Variants in FGGY observed in about 807,000 individuals in gnomAD.
FGGY encodes FGGY carbohydrate kinase domain-containing protein.
Under a neutral mutation model 71.3 loss-of-function variants are expected in FGGY, and 72 were observed. The observed-to-expected ratio is 1.01, with a 90% CI of 0.84 to 1.23. The LOEUF (loss-of-function observed/expected upper bound fraction) is 1.23, where lower values mean the gene tolerates loss of function less well. FGGY is among the 50% of genes most tolerant of loss of function. The pLI is 0.00. For missense variants in FGGY, 668 were observed against 682.3 expected (o/e 0.98, Z 0.23); for synonymous variants, 251 against 250.3 (o/e 1.00, Z -0.02).
chr1:59,301,094 C>T (rs768693763), intron 1 of FGGY, among the ~76,000 whole-genome samples: 4 of 152,042 alleles, frequency 2.6e-5, no homozygotes, highest in Middle Eastern at 3.2e-3. Context: ...TCTTCTGACC[C>T]GTGGACACAG....
chr1:59,328,761 G>A (rs2047893762), intron 2 of FGGY, among the ~76,000 whole-genome samples: 1 of 151,688 alleles, frequency 6.6e-6, no homozygotes, highest in Non-Finnish European at 1.5e-5. Context: ...GACCATTGTA[G>A]GGTTATTAAT....
chr1:59,584,211 CA>C (rs71582605), intron 8 of FGGY, among the ~76,000 whole-genome samples: 19,071 of 147,176 alleles, frequency 0.13, 2,090 homozygotes, highest in South Asian at 0.32. Flanking sequence ...GACACAACAA[CA>C]AAAAAAAAGA....
intron 8 of FGGY, among the ~76,000 whole-genome samples, chr1:59,582,634 C>T (rs1316801186): frequency 6.7e-6 from 1 of 149,478 alleles, no homozygotes; most frequent in Admixed American, 6.6e-5. Context: ...TCGCTGGAAG[C>T]TTTCAGACTA....
At chr1:59,375,602 G>A (rs541109548) in intron 4 of FGGY, among the ~76,000 whole-genome samples, 7 of 152,344 alleles carry the variant, frequency 4.6e-5, no homozygotes, top group Non-Finnish European at 8.8e-5. Flanking sequence ...GTACTTCAGA[G>A]GTTATAGAGG....
At chr1:59,630,920 G>A (rs1028767081) in intron 10 of FGGY, among the ~76,000 whole-genome samples, 3 of 152,104 alleles carry the variant, frequency 2.0e-5, no homozygotes, top group African/African-American at 7.2e-5. Context: ...AGCATCGCCT[G>A]TACTCTTGGT....
intron 7 of FGGY, among the ~76,000 whole-genome samples, chr1:59,521,489 A>G (rs1480370465): frequency 6.6e-6 from 1 of 152,108 alleles, no homozygotes; most frequent in Non-Finnish European, 1.5e-5. Context: ...CAGTTTTTAA[A>G]TCTTGTGCCA....
intron 7 of FGGY, among the ~76,000 whole-genome samples, chr1:59,539,631 A>G (rs1298140880): frequency 6.6e-6 from 1 of 152,226 alleles, no homozygotes; most frequent in African/African-American, 2.4e-5. Flanking sequence ...AAACTTAAGT[A>G]TGAAATTTAA....
At chr1:59,449,328 G>T (rs546445295) in intron 5 of FGGY, among the ~76,000 whole-genome samples, 16 of 152,250 alleles carry the variant, frequency 1.1e-4, no homozygotes, top group African/African-American at 3.9e-4. Flanking sequence ...CTGTCCCCCA[G>T]GCTGGAGTGC....
intron 1 of FGGY, among the ~76,000 whole-genome samples, chr1:59,308,806 T>A (rs1165134348): frequency 6.6e-6 from 1 of 152,214 alleles, no homozygotes; most frequent in Non-Finnish European, 1.5e-5. Flanking sequence ...TGCTCTATTC[T>A]TTATTAAAAA....
chr1:59,719,778 T>C (rs565893227), intron 14 of FGGY, among the ~76,000 whole-genome samples: 1 of 152,330 alleles, frequency 6.6e-6, no homozygotes, highest in East Asian at 1.9e-4. Flanking sequence ...CATTTAATAT[T>C]GATAAGGGCC....
intron 6 of FGGY, among the ~76,000 whole-genome samples, chr1:59,462,863 C>T (rs1326430259): frequency 6.6e-6 from 1 of 151,766 alleles, no homozygotes; most frequent in Non-Finnish European, 1.5e-5. Context: ...GTTGGTGGGA[C>T]TGTAAACTAG....
intron 14 of FGGY, among the ~76,000 whole-genome samples, chr1:59,731,053 A>G (rs184675572): frequency 1.3e-5 from 2 of 152,330 alleles, no homozygotes; most frequent in African/African-American, 2.4e-5. Flanking sequence ...GCCAAGGTCC[A>G]TTTTCTCCCT....
In FGGY at chr1:59,351,424, G is replaced by C. The variant is rs560695422; in HGVS notation, c.465+5026G>C. Among the ~76,000 whole-genome samples, 16 of 152,238 alleles carry C rather than the reference G, an allele frequency of 1.1e-4. No homozygotes were observed. In the South Asian group the frequency reaches 3.1e-3, roughly 30 times the overall value. On this transcript the variant is annotated intron_variant, in intron 4 of 15. Transcript: ENST00000303721. ...ATCCTCAAATACATCAGAGTCTCTT[G>C]TTATTACACTCTTAATTTTACTTCA...
intron 5 of FGGY, among the ~76,000 whole-genome samples, chr1:59,431,984 C>A (rs913683903): frequency 6.6e-6 from 1 of 152,152 alleles, no homozygotes; most frequent in African/African-American, 2.4e-5. Flanking sequence ...GACTTGGTCA[C>A]TAGAAAGACC....
At chr1:59,729,128 T>C (rs1405471385) in intron 14 of FGGY, among the ~76,000 whole-genome samples, 2 of 152,044 alleles carry the variant, frequency 1.3e-5, no homozygotes, top group Non-Finnish European at 2.9e-5. Flanking sequence ...TCAAATTCAC[T>C]GATTCTTTCC....
intron 5 of FGGY, among the ~76,000 whole-genome samples, chr1:59,395,833 G>A (rs1335169551): frequency 6.6e-6 from 1 of 152,164 alleles, no homozygotes; most frequent in East Asian, 1.9e-4. Flanking sequence ...GGGCAGTCTG[G>A]CTCCAGAATT....
chr1:59,415,243 A>G (rs2064197276), intron 5 of FGGY, among the ~76,000 whole-genome samples: 1 of 152,064 alleles, frequency 6.6e-6, no homozygotes, highest in South Asian at 2.1e-4. Flanking sequence ...AAAGGCTGAA[A>G]GAAGTTTTAT....
At chr1:59,760,722 T>C (rs1445278294) in intron 15 of FGGY, among the ~76,000 whole-genome samples, 1 of 152,196 alleles carries the variant, frequency 6.6e-6, no homozygotes, top group Non-Finnish European at 1.5e-5. Flanking sequence ...ATTCCACCTA[T>C]GTAAAGAATA....
At chr1:59,650,199 G>A (rs1305832993) in intron 11 of FGGY, among the ~76,000 whole-genome samples, 4 of 147,604 alleles carry the variant, frequency 2.7e-5, no homozygotes, top group Non-Finnish European at 5.9e-5. Flanking sequence ...AGGGATATTG[G>A]TCTAAAATTC....
Sources: gnomAD v4.1 joint callset for allele counts (sites outside exome capture counted in the v4.1 genomes callset) on GRCh38, gnomAD v4.1.1 for gene constraint, MANE v1.5 for transcripts, NCBI Gene and HGNC (gene_info 2026-07-23, HGNC 2026-07-21) for gene names.